The following ADAD1 variants were observed in gnomAD, a reference collection of about 807,000 sequenced individuals.
ADAD1 encodes the protein adenosine deaminase domain-containing protein 1.
Under a neutral mutation model 66.8 loss-of-function variants are expected in ADAD1, and 46 were observed. That is an observed-to-expected ratio of 0.69 (90% CI 0.54 to 0.88). The LOEUF (loss-of-function observed/expected upper bound fraction) is 0.88. Ranked by LOEUF, ADAD1 falls within the 40% of genes least tolerant of loss-of-function variation. The pLI is 0.00. For synonymous variants in ADAD1, 248 were observed against 229.4 expected (o/e 1.08, Z -0.73); for missense variants, 617 against 681.8 (o/e 0.91, Z 1.06).
chr4:122,420,351 C>A (rs1472401965), intron 11 of ADAD1, among the ~76,000 whole-genome samples: 1 of 152,172 alleles, frequency 6.6e-6, no homozygotes, highest in Admixed American at 6.6e-5. Context: ...TGTTGGTCAA[C>A]TAAAGGTCAG....
chr4:122,383,892 C>G lies in ADAD1; in HGVS notation c.455C>G (p.Ser152Cys). The stretch of plus-strand genomic sequence containing the variant: ...GGACAAAATAAAAAGGAGTCTAGAT[C>G]CAATGCAGCAAAATTAGCTCTTGAT... ...GLGQNKKESR[S>C]NAAKLALDEL... The change falls in exon 5 of 13, where the codon TCC becomes TGC. Residue 152 changes from serine (S) to cysteine (C), a missense_variant. Physicochemically the swap from Ser to Cys is moderately radical, Grantham distance 112. Coordinates refer to ENST00000296513, the MANE Select transcript of ADAD1 (RefSeq NM_139243.4). The G allele has an allele frequency of 6.2e-7, 1 of 1,613,832 alleles. No individual in the cohort carries two copies. Among genetic ancestry groups the G allele is most frequent in the East Asian group, 2.2e-5 (1 of 44,834 alleles).
chr4:122,403,770 G>A (rs1389737101), intron 7 of ADAD1, among the ~76,000 whole-genome samples: 2 of 152,044 alleles, frequency 1.3e-5, no homozygotes, highest in Non-Finnish European at 2.9e-5. Flanking sequence ...TTTTGTCTTC[G>A]GCTACCAGCA....
intron 4 of ADAD1, among the ~76,000 whole-genome samples, chr4:122,382,209 A>T (rs1019913391): frequency 6.6e-6 from 1 of 152,178 alleles, no homozygotes; most frequent in African/African-American, 2.4e-5. Flanking sequence ...ACAAATCTTC[A>T]CTGCTCTGAG....
intron 11 of ADAD1, among the ~76,000 whole-genome samples, chr4:122,416,716 G>C (rs1796752735): frequency 6.6e-6 from 1 of 150,800 alleles, no homozygotes; most frequent in South Asian, 2.1e-4. Flanking sequence ...CTGGGCAACA[G>C]AGTGAGACCC....
At position 122,380,102 on chromosome 4, in the gene ADAD1, G is replaced by T. The variant is rs201390867; in HGVS notation, c.33G>T (p.Ser11=). 6.2e-7 allele frequency: 1 copy of T among 1,613,664 alleles called. No individual in the cohort carries two copies. The highest frequency in any genetic ancestry group is 8.5e-7 in the Non-Finnish European group (1 of 1,179,898). Residue 11 remains serine (S), a synonymous_variant, in exon 3 of 13, where the codon TCG becomes TCT. Coordinates refer to ENST00000296513, the MANE Select transcript of ADAD1 (RefSeq NM_139243.4). ...GCAACAATCATTGGTTTCAGAGTTCGCAGGTCCCCAGCTTTGCCCAGATGC... is the reference window on the plus strand; with the variant it reads ...GCAACAATCATTGGTTTCAGAGTTCTCAGGTCCCCAGCTTTGCCCAGATGC... MASNNHWFQS[S]QVPSFAQMLK...
chr4:122,403,588 C>G (rs542760212), intron 7 of ADAD1, among the ~76,000 whole-genome samples: 1 of 152,030 alleles, frequency 6.6e-6, no homozygotes, highest in African/African-American at 2.4e-5. Context: ...GGTTCTGTTA[C>G]GAGTTGCTGT....
intron 6 of ADAD1, among the ~76,000 whole-genome samples, chr4:122,394,396 G>A (rs1795599548): frequency 6.6e-6 from 1 of 152,098 alleles, no homozygotes; most frequent in African/African-American, 2.4e-5. Flanking sequence ...AGACTTTAAA[G>A]TTTAGAGTAT....
chr4:122,427,885 T>C (rs1223322954), intron 12 of ADAD1, among the ~76,000 whole-genome samples: 3 of 152,154 alleles, frequency 2.0e-5, no homozygotes, highest in Non-Finnish European at 2.9e-5. Context: ...TTGGAAAACT[T>C]ACCTACTTTC....
At chr4:122,386,935 G>A (rs1167950556) in intron 5 of ADAD1, among the ~76,000 whole-genome samples, 1 of 152,134 alleles carries the variant, frequency 6.6e-6, no homozygotes, top group African/African-American at 2.4e-5. Context: ...TTTGGTTACT[G>A]TATTCTTGTA....
intron 5 of ADAD1, among the ~76,000 whole-genome samples, chr4:122,389,045 CAG>C (rs566254757): frequency 6.6e-4 from 100 of 152,274 alleles, no homozygotes; most frequent in Non-Finnish European, 1.1e-3. Context: ...AGCTGTGTCC[CAG>C]AGATTCTGGT....
At position 122,421,297 on chromosome 4, in the gene ADAD1, G is replaced by T; in HGVS notation, c.1524G>T (p.Arg508=). The T allele has an allele frequency of 1.9e-6, 3 of 1,604,462 alleles. No individual in the cohort carries two copies. The highest frequency in any genetic ancestry group is 1.7e-6 in the Non-Finnish European group (2 of 1,173,544). ...AAAGTGGTATGTCAATGGCAAGTCG[G>T]CTTTGTAAGGCTGCAATGTTAAGTC... ...PFKSGMSMAS[R]LCKAAMLSRF... is the part of the protein sequence containing the mutation. The change falls in exon 12 of 13, where the codon CGG becomes CGT. Residue 508 remains arginine, a synonymous_variant. Coordinates refer to ENST00000296513, the MANE Select transcript of ADAD1 (RefSeq NM_139243.4).
intron 7 of ADAD1, among the ~76,000 whole-genome samples, chr4:122,400,831 T>C (rs79474879): frequency 0.053 from 8,063 of 152,214 alleles, 727 homozygotes; most frequent in African/African-American, 0.18. Context: ...TGTATTTCTG[T>C]GTCATCACTT....
chr4:122,380,540 C>T (rs1403884967), intron 3 of ADAD1: 5 of 376,490 alleles, frequency 1.3e-5, no homozygotes, highest in Non-Finnish European at 2.4e-5. Flanking sequence ...GGTCTGTATT[C>T]CACATAGCAC....
At chr4:122,428,645 A>G (rs527345505) in intron 12 of ADAD1, among the ~76,000 whole-genome samples, 1 of 152,264 alleles carries the variant, frequency 6.6e-6, no homozygotes, top group Non-Finnish European at 1.5e-5. Context: ...GAAGCCTGAC[A>G]TAACAGGATC....
chr4:122,412,378 A>G (rs1001565049), intron 9 of ADAD1, among the ~76,000 whole-genome samples: 2 of 152,060 alleles, frequency 1.3e-5, no homozygotes, highest in African/African-American at 4.8e-5. Context: ...GAAGCTCTAG[A>G]TGTGGTTCAT....
intron 4 of ADAD1, among the ~76,000 whole-genome samples, chr4:122,381,609 C>T (rs1794902508): frequency 1.3e-5 from 2 of 152,202 alleles, no homozygotes; most frequent in African/African-American, 4.8e-5. Context: ...ACTTTGTCTG[C>T]AGACTAGTCT....
chr4:122,381,075 T>C lies in ADAD1; in HGVS notation c.256T>C (p.Phe86Leu). Residue 86 changes from phenylalanine (F) to leucine (L), a missense_variant, in exon 4 of 13, where the codon TTT becomes CTT. By Grantham distance (22) the Phe-to-Leu change is conservative. Coordinates refer to ENST00000296513, the MANE Select transcript of ADAD1 (RefSeq NM_139243.4). The stretch of plus-strand genomic sequence containing the variant: ...TCCTCCAAAAAAAATACCTAAGGAA[T>C]TTATAATGAAATACAAACGTGGAGA... Reference protein sequence around the residue: ...VLPPKKIPKEFIMKYKRGEIN... With the variant: ...VLPPKKIPKELIMKYKRGEIN... 1 of 1,604,614 alleles carries C rather than the reference T, an allele frequency of 6.2e-7. No individual in the cohort carries two copies. The highest frequency in any genetic ancestry group is 1.3e-5 in the African/African-American group (1 of 74,098).
intron 11 of ADAD1, among the ~76,000 whole-genome samples, chr4:122,419,568 A>T (rs1796912838): frequency 6.6e-6 from 1 of 152,320 alleles, no homozygotes; most frequent in African/African-American, 2.4e-5. Context: ...TCTCCACCAC[A>T]CAAAATTACA....
chr4:122,407,836 A>T (rs1796286026), intron 7 of ADAD1, 72 bp from the exon 8 acceptor site: 1 of 1,433,562 alleles, frequency 7.0e-7, no homozygotes, highest in Middle Eastern at 1.9e-4. Flanking sequence ...AAATGATGAG[A>T]TAGAGGTAAG....
Sources: allele counts gnomAD v4.1 joint callset (sites outside exome capture counted in the v4.1 genomes callset), GRCh38; gene constraint gnomAD v4.1.1; transcripts MANE v1.5; gene names NCBI Gene and HGNC (gene_info 2026-07-23, HGNC 2026-07-21).